Variants in CUX1 observed in about 807,000 individuals in gnomAD.
The protein encoded by CUX1 is protein CASP.
In CUX1, 31 loss-of-function variants were observed where a neutral mutation model predicts 158.8. That is an observed-to-expected ratio of 0.20 (90% CI 0.15 to 0.26). The LOEUF (loss-of-function observed/expected upper bound fraction) is 0.26. Ranked by LOEUF, CUX1 falls within the 10% of genes least tolerant of loss-of-function variation. CUX1 has a pLI of 1.00. For missense variants in CUX1, 1,589 were observed against 2,014.6 expected, an observed-to-expected ratio of 0.79 and a Z score of 4.04; for synonymous variants, 879 against 862.1, an observed-to-expected ratio of 1.02 and a Z score of -0.34.
chr7:102,204,117 C>G (rs915082053), intron 18 of CUX1, among the ~76,000 whole-genome samples: 3 of 152,206 alleles, frequency 2.0e-5, no homozygotes, highest in Admixed American at 6.5e-5. Flanking sequence ...GATCAAGACC[C>G]TGGGATGAGA....
At chr7:102,159,252 G>C (rs1205585570) in intron 9 of CUX1, among the ~76,000 whole-genome samples, 3 of 151,950 alleles carry the variant, frequency 2.0e-5, no homozygotes, top group Non-Finnish European at 4.4e-5. Flanking sequence ...TCTCACCACG[G>C]TGTTATCCTA....
At chr7:101,880,446 C>T (rs1403082934) in intron 1 of CUX1, among the ~76,000 whole-genome samples, 1 of 152,096 alleles carries the variant, frequency 6.6e-6, no homozygotes, top group Non-Finnish European at 1.5e-5. Flanking sequence ...ACAGATGGTT[C>T]ATCAGGAATA....
intron 1 of CUX1, among the ~76,000 whole-genome samples, chr7:101,821,681 T>TTTC (rs1562884683): frequency 4.6e-5 from 5 of 108,460 alleles, no homozygotes; most frequent in Non-Finnish European, 9.6e-5. Context: ...CTTTTTTTTT[T>TTTC]TTTTTTTTTT....
At chr7:102,272,238 G>A (rs1260640616) in intron 14 of CUX1, among the ~76,000 whole-genome samples, 1 of 152,196 alleles carries the variant, frequency 6.6e-6, no homozygotes. Flanking sequence ...GGTGAGGCTG[G>A]GCTGCCCCAT....
intron 14 of CUX1, among the ~76,000 whole-genome samples, chr7:102,268,604 C>T (rs1348154787): frequency 6.6e-6 from 1 of 152,182 alleles, no homozygotes; most frequent in Non-Finnish European, 1.5e-5. Flanking sequence ...GCTGTTCTTG[C>T]ATTGCTATAG....
chr7:101,848,040 A>G (rs1213594301), intron 1 of CUX1, among the ~76,000 whole-genome samples: 1 of 142,976 alleles, frequency 7.0e-6, no homozygotes, highest in East Asian at 2.1e-4. Flanking sequence ...CCTGGGCAAC[A>G]GAGCAAGACT....
chr7:101,852,667 A>ATTTT lies in CUX1; in HGVS notation c.30+35021_30+35024dup, dbSNP rs71106571. Among the ~76,000 whole-genome samples the ATTTT allele has an allele frequency of 1.3e-4, 10 of 75,994 alleles. 1 individual carries two copies. Among genetic ancestry groups the ATTTT allele is most frequent in the African/African-American group, 3.9e-4 (9 of 23,238 alleles). 49.9% of individuals were successfully genotyped at this position (75,994 alleles called of 152,430 possible). On this transcript the variant is annotated intron_variant, in intron 1 of 23. Coordinates refer to ENST00000292535, the MANE Select transcript of CUX1 (RefSeq NM_181552.4). Reference sequence around the variant, plus strand: ...GTTTTCTTCTGTTCTCTGCGTTGGAATTTTTTTTTTTTTTTTTTTTTTTTT... The same window carrying ATTTT: ...GTTTTCTTCTGTTCTCTGCGTTGGAATTTTTTTTTTTTTTTTTTTTTTTTTTTTT...
At chr7:102,018,528 C>T (rs1396888221) in intron 2 of CUX1, among the ~76,000 whole-genome samples, 1 of 152,194 alleles carries the variant, frequency 6.6e-6, no homozygotes, top group Non-Finnish European at 1.5e-5. Context: ...GCATGCCCCT[C>T]TCACTGGGGT....
chr7:102,209,047 C>G (rs1208180182), intron 20 of CUX1, among the ~76,000 whole-genome samples: 1 of 152,178 alleles, frequency 6.6e-6, no homozygotes, highest in African/African-American at 2.4e-5. Context: ...GCTCTGTGCT[C>G]TGTGCTCGGT....
At chr7:101,817,108 C>T (rs369665457), upstream of CUX1, 4 of 984,538 alleles carry the variant, frequency 4.1e-6, no homozygotes, top group Admixed American at 6.2e-5. The surrounding 1 kb of genome is among the most constrained non-coding windows in gnomAD (Gnocchi z 4.1). Context: ...TCGCTGGGTC[C>T]CGGTGTCCCG....
chr7:102,147,007 C>T (rs781826565), intron 8 of CUX1, among the ~76,000 whole-genome samples: 7 of 152,090 alleles, frequency 4.6e-5, no homozygotes, highest in South Asian at 2.1e-4. Context: ...ACATCCTGGC[C>T]GTTTAACTGT....
chr7:102,256,124 G>C lies in CUX1; in HGVS notation c.*7082G>C. 2 of 985,390 alleles carry C rather than the reference G, an allele frequency of 2.0e-6. No individual in the cohort carries two copies. The highest frequency in any genetic ancestry group is 2.4e-6 in the Non-Finnish European group (2 of 829,926). The allele number at this position is 985,390 out of a possible 1,614,324, so 61.0% of individuals were successfully genotyped here. A position where few individuals can be genotyped will look rare whatever the true frequency, so the allele number is the denominator to read the frequency against. ...TGTGCTGGGCGTGCAGGGCCCGCGG[G>C]CTCTGGCCGGAGCCGCTGGCCTGAC... On this transcript the variant is annotated 3_prime_UTR_variant, in exon 24 of 24. Transcript: ENST00000292535.
chr7:102,252,626 T>TC lies in CUX1; in HGVS notation c.*3584_*3585insC. 1.0e-6 allele frequency: 1 copy of TC among 985,286 alleles called. No individual in the cohort carries two copies. Among genetic ancestry groups the TC allele is most frequent in the African/African-American group, 1.7e-5 (1 of 57,214 alleles). The allele number at this position is 985,286 out of a possible 1,614,324, so 61.0% of individuals were successfully genotyped here. A position where few individuals can be genotyped will look rare whatever the true frequency, so the allele number is the denominator to read the frequency against. On this transcript the variant is annotated 3_prime_UTR_variant, in exon 24 of 24. Coordinates refer to ENST00000292535, the MANE Select transcript of CUX1 (RefSeq NM_181552.4). Reference sequence around the variant, plus strand: ...TTGCATTTAGCCTCTTGACCCGGAGTTCCGGCCCAAGCTCCCTTGTGATAG... The same window carrying TC: ...TTGCATTTAGCCTCTTGACCCGGAGTCTCCGGCCCAAGCTCCCTTGTGATAG...
intron 2 of CUX1, among the ~76,000 whole-genome samples, chr7:101,973,078 T>C (rs1019368645): frequency 7.2e-5 from 11 of 152,230 alleles, no homozygotes; most frequent in Admixed American, 3.3e-4. Flanking sequence ...CACCTTCTCG[T>C]ACATTTCAGG....
At chr7:102,057,779 A>G (rs7802186) in intron 3 of CUX1, among the ~76,000 whole-genome samples, 22,779 of 152,172 alleles carry the variant, frequency 0.15, 3,930 homozygotes, top group African/African-American at 0.43. Context: ...TGCTGTGAAT[A>G]TTGTTGAAAT....
rs1173006386 is a variant in CUX1, at chr7:102,279,930, C to A, written c.1681-107C>A. On this transcript the variant is annotated intron_variant, in intron 18 of 22. Coordinates refer to the CUX1 transcript ENST00000292538. ...CTCTGAGATCTAGGGCTCCCTCCCC[C>A]ACTTCCCTTTTTTGCAGATGAGGAA... The A allele has an allele frequency of 9.5e-6, 7 of 737,004 alleles. No homozygotes were observed. In the African/African-American group the frequency reaches 1.1e-4, roughly 11 times the overall value. 45.7% of individuals were successfully genotyped at this position (737,004 alleles called of 1,614,324 possible).
intron 1 of CUX1, among the ~76,000 whole-genome samples, chr7:101,845,569 C>T (rs1795603212): frequency 6.6e-6 from 1 of 152,174 alleles, no homozygotes; most frequent in African/African-American, 2.4e-5. Flanking sequence ...AGGAGGCTGG[C>T]TAGATAGGCT....
intron 21 of CUX1, among the ~76,000 whole-genome samples, chr7:102,227,951 C>CTTTTTT (rs781968632): frequency 4.3e-5 from 5 of 117,300 alleles, no homozygotes; most frequent in Non-Finnish European, 6.7e-5. Flanking sequence ...TCTTTTTTTT[C>CTTTTTT]TTTTTTTTTT....
In CUX1 at chr7:102,107,131, G is replaced by A. The variant is rs990962682; in HGVS notation, c.530+2672G>A. Among the ~76,000 whole-genome samples, 6 of 152,334 alleles carry A rather than the reference G, an allele frequency of 3.9e-5. 1 individual carries two copies. Among genetic ancestry groups the A allele is most frequent in the Admixed American group, 6.5e-5 (1 of 15,296 alleles). Reference sequence around the variant, plus strand: ...TGCCTATAGTCTCAGCTACTTGGGAGGCTGAGGCAGGAGGATTACTTGAGG... The same window carrying A: ...TGCCTATAGTCTCAGCTACTTGGGAAGCTGAGGCAGGAGGATTACTTGAGG... On this transcript the variant is annotated intron_variant, in intron 6 of 23. Coordinates refer to ENST00000292535, the MANE Select transcript of CUX1 (RefSeq NM_181552.4).
Sources: gnomAD v4.1 joint callset for allele counts (sites outside exome capture counted in the v4.1 genomes callset) on GRCh38, gnomAD v4.1.1 for gene constraint, Gnocchi (gnomAD v3.1) non-coding constraint, MANE v1.5 for transcripts, NCBI Gene and HGNC (gene_info 2026-07-23, HGNC 2026-07-21) for gene names.